Variants in PGAP2 observed in about 807,000 individuals in gnomAD.
The protein encoded by PGAP2 is post-GPI attachment to proteins 2.
PGAP2 carries 21 observed loss-of-function variants against 33.2 expected under a neutral mutation model. The ratio of observed to expected loss-of-function variants is 0.63; its 90% CI spans 0.45 to 0.91. The LOEUF (loss-of-function observed/expected upper bound fraction) is 0.91. Among genes scored for constraint, PGAP2 ranks in the 40% least tolerant of loss-of-function variants. PGAP2 has a pLI of 0.00. For synonymous variants in PGAP2, 161 were observed against 172.9 expected, an observed-to-expected ratio of 0.93 and a Z score of 0.54; for missense variants, 345 against 424.0, an observed-to-expected ratio of 0.81 and a Z score of 1.64.
upstream of PGAP2, among the ~76,000 whole-genome samples, chr11:3,807,307 AG>A (rs1321612922): frequency 1.4e-5 from 1 of 72,168 alleles, no homozygotes; most frequent in Non-Finnish European, 3.1e-5. Context: ...CTATTTTCAC[AG>A]GTTTTTTTTT....
At chr11:3,817,895 A>T (rs1297288315) in intron 3 of PGAP2, 5 of 467,944 alleles carry the variant, frequency 1.1e-5, no homozygotes, top group South Asian at 4.7e-5. Flanking sequence ...AATGCAAAAA[A>T]ATTAGCTGGG....
At chr11:3,810,911 T>C (rs772298720) in intron 1 of PGAP2, among the ~76,000 whole-genome samples, 4 of 152,136 alleles carry the variant, frequency 2.6e-5, no homozygotes, top group African/African-American at 7.2e-5. Flanking sequence ...GTTCTTGAAA[T>C]AAAGAGAGAC....
intron 3 of PGAP2, among the ~76,000 whole-genome samples, chr11:3,823,218 T>C (rs1276089305): frequency 6.6e-6 from 1 of 151,596 alleles, no homozygotes; most frequent in Non-Finnish European, 1.5e-5. Flanking sequence ...TTTTTTTAAG[T>C]AGGGACAGAG....
rs150583814 is a variant in PGAP2 at position 3,824,058 on chromosome 11, G to A, written c.524G>A (p.Arg175His). 18 of 1,614,014 alleles carry A rather than the reference G, an allele frequency of 1.1e-5. No individual in the cohort carries two copies. The highest frequency in any genetic ancestry group is 1.6e-4 in the Middle Eastern group (1 of 6,084). The change falls in exon 4 of 7, where the codon CGC becomes CAC. Residue 175 changes from arginine to histidine, a missense_variant. Physicochemically the swap from Arg to His is conservative, Grantham distance 29 (BLOSUM62 0). Coordinates refer to ENST00000278243, the MANE Select transcript of PGAP2 (RefSeq NM_014489.4). ...SPCSCYRPLCRLNFGLNVVEN... is the reference protein window; with the variant it reads ...SPCSCYRPLCHLNFGLNVVEN... ...TGTTCCTGCTATCGCCCGCTCTGCC[G>A]CCTCAACTTCGGCCTCAATGTCGTG... is the stretch of plus-strand genomic sequence containing the variant.
chr11:3,808,120 G>T, upstream of PGAP2: 6 of 1,458,500 alleles, frequency 4.1e-6, no homozygotes, highest in South Asian at 1.4e-5. Flanking sequence ...GTCCCCAACC[G>T]CCCTGACGAG....
In PGAP2 at chr11:3,800,828, A is replaced by AG. The variant is rs796934004; in HGVS notation, c.139+2846_139+2847insG. On this transcript the variant is annotated intron_variant, in intron 1 of 6. Transcript: ENST00000300730. ...CTCCGTCTCAAAAAAAAAAAAAAAA[A>AG]AAAGAAATTTAGGCAAATTTCCTGC... is the stretch of plus-strand genomic sequence containing the variant. Among the ~76,000 whole-genome samples, 1,130 of 145,872 alleles carry AG rather than the reference A, an allele frequency of 7.7e-3. 22 individuals are homozygous for AG. The highest frequency in any genetic ancestry group is 0.024 in the African/African-American group (933 of 39,642).
intron 4 of PGAP2, 29 bp downstream of exon 4, chr11:3,824,164 G>A: frequency 6.2e-7 from 1 of 1,613,474 alleles, no homozygotes; most frequent in Non-Finnish European, 8.5e-7. Flanking sequence ...GAGGAGTGGG[G>A]AAGTGTTCCC....
At chr11:3,797,780 C>G (rs1182554534), upstream of PGAP2, 5 of 1,537,084 alleles carry the variant, frequency 3.3e-6, no homozygotes, top group Non-Finnish European at 4.4e-6. Flanking sequence ...TCCCGCCCCT[C>G]GCCGCCGCGG....
At chr11:3,802,268 G>T (rs1242731124) in intron 1 of PGAP2, among the ~76,000 whole-genome samples, 1 of 152,162 alleles carries the variant, frequency 6.6e-6, no homozygotes, top group Non-Finnish European at 1.5e-5. Context: ...GATTTCTAAA[G>T]ATACGTTGTT....
At position 3,825,031 on chromosome 11, in the gene PGAP2, C is replaced by T; in HGVS notation, c.720C>T (p.Ser240=). The T allele has an allele frequency of 1.2e-6, 2 of 1,614,178 alleles. No individual in the cohort carries two copies. The highest frequency in any genetic ancestry group is 4.5e-5 in the East Asian group (2 of 44,886). Residue 240 remains serine (S), a synonymous_variant, in exon 6 of 7, where the codon TCC becomes TCT. Transcript: ENST00000278243. ...AGCCCATTCCCTAGGATCGCAAGTC[C>T]TACAGCTGGAAACAGCGGCTCTTCA... ...KHTVSQEDRK[S]YSWKQRLFII... is the part of the protein sequence containing the mutation.
At chr11:3,809,866 C>T (rs762670145) in intron 1 of PGAP2, among the ~76,000 whole-genome samples, 6 of 152,160 alleles carry the variant, frequency 3.9e-5, no homozygotes, top group Non-Finnish European at 8.8e-5. Flanking sequence ...AATGTGGAGG[C>T]GTAGCCACCT....
At chr11:3,798,376 G>C (rs1320531550) in intron 1 of PGAP2, among the ~76,000 whole-genome samples, 1 of 152,104 alleles carries the variant, frequency 6.6e-6, no homozygotes, top group African/African-American at 2.4e-5. Flanking sequence ...GTCGCCTAGG[G>C]TGGAGTGCAT....
chr11:3,808,502 A>G, upstream of PGAP2: 1 of 1,401,234 alleles, frequency 7.1e-7, no homozygotes, highest in Non-Finnish European at 9.3e-7. Flanking sequence ...CCAGCGGAGG[A>G]TCTGGGCGCA....
Position 3,825,994 on chromosome 11 carries a change from C to G in PGAP2, c.*536C>G, listed in dbSNP as rs1239162255. The G allele has an allele frequency of 6.5e-6, 1 of 154,802 alleles. No homozygotes were observed. Among genetic ancestry groups the G allele is most frequent in the African/African-American group, 2.4e-5 (1 of 41,480 alleles). The allele number at this position is 154,802 out of a possible 1,614,324, so 9.6% of individuals were successfully genotyped here. A position where few individuals can be genotyped will look rare whatever the true frequency, so the allele number is the denominator to read the frequency against. ...TGGTGTGTGCCCTAGGGTATGTACCCTTCCCCATCTGAGCCTCGGTGTGTC... is the reference window on the plus strand; with the variant it reads ...TGGTGTGTGCCCTAGGGTATGTACCGTTCCCCATCTGAGCCTCGGTGTGTC... On this transcript the variant is annotated 3_prime_UTR_variant, in exon 7 of 7. Transcript: ENST00000278243.
At chr11:3,819,343 A>G (rs1344250257) in intron 3 of PGAP2, among the ~76,000 whole-genome samples, 1 of 152,026 alleles carries the variant, frequency 6.6e-6, no homozygotes, top group Admixed American at 6.6e-5. Flanking sequence ...AGAGTAGGGT[A>G]TAAGGAGGCT....
At chr11:3,806,734 A>T (rs1477454750), upstream of PGAP2, among the ~76,000 whole-genome samples, 3 of 152,136 alleles carry the variant, frequency 2.0e-5, no homozygotes, top group Non-Finnish European at 4.4e-5. Context: ...GAGGATATTA[A>T]ATAGTATCTA....
chr11:3,805,592 G>A (rs2084179141), upstream of PGAP2, among the ~76,000 whole-genome samples: 1 of 147,964 alleles, frequency 6.8e-6, no homozygotes, highest in Non-Finnish European at 1.5e-5. Flanking sequence ...TTACAGGCTG[G>A]GCACGGTGGC....
intron 1 of PGAP2, among the ~76,000 whole-genome samples, chr11:3,798,892 C>T (rs1006616892): frequency 2.0e-5 from 3 of 152,242 alleles, no homozygotes; most frequent in Non-Finnish European, 4.4e-5. Flanking sequence ...ATCCGCCCGC[C>T]TCGGCCTCCC....
chr11:3,814,851 CTTCT>C (rs1301950682), intron 2 of PGAP2, among the ~76,000 whole-genome samples: 10 of 115,414 alleles, frequency 8.7e-5, no homozygotes, highest in Admixed American at 2.9e-4. Context: ...TCTTTCTTTC[CTTCT>C]TTCTTTCTTT....
Sources: allele counts gnomAD v4.1 joint callset (sites outside exome capture counted in the v4.1 genomes callset), GRCh38; gene constraint gnomAD v4.1.1; transcripts MANE v1.5; gene names NCBI Gene and HGNC (gene_info 2026-07-23, HGNC 2026-07-21).